The following CLNK variants were observed in gnomAD, a reference collection of about 807,000 sequenced individuals.
The protein encoded by CLNK is cytokine dependent hematopoietic cell linker.
CLNK carries 74 observed loss-of-function variants against 68.6 expected under a neutral mutation model. The observed-to-expected ratio is 1.08, with a 90% CI of 0.89 to 1.31. CLNK has a LOEUF of 1.31. Among genes scored for constraint, CLNK ranks in the 50% most tolerant of loss-of-function variants. The pLI is 0.00. For missense variants in CLNK, 553 were observed against 515.3 expected (o/e 1.07, Z -0.71); for synonymous variants, 198 against 172.2 (o/e 1.15, Z -1.17).
At chr4:10,553,472 T>C (rs1320465660) in intron 8 of CLNK, among the ~76,000 whole-genome samples, 1 of 151,776 alleles carries the variant, frequency 6.6e-6, no homozygotes, top group Non-Finnish European at 1.5e-5. Context: ...TTTTTTCTGA[T>C]ACAGAGTCTT....
chr4:10,727,204 C>T, the CLNK span, among the ~76,000 whole-genome samples: 1 of 152,224 alleles, frequency 6.6e-6, no homozygotes, highest in African/African-American at 2.4e-5. Context: ...GAGCCATTCT[C>T]TTTTCACTTG....
chr4:10,614,654 G>A (rs778814895), intron 2 of CLNK, among the ~76,000 whole-genome samples: 7 of 152,192 alleles, frequency 4.6e-5, no homozygotes, highest in Non-Finnish European at 1.0e-4. Flanking sequence ...TGTAATAAGA[G>A]GCCACGGAAT....
At chr4:10,624,770 C>A (rs1722602377) in intron 2 of CLNK, among the ~76,000 whole-genome samples, 2 of 151,972 alleles carry the variant, frequency 1.3e-5, no homozygotes, top group African/African-American at 4.8e-5. Context: ...TCATTTTATT[C>A]TTTTGCAGAA....
intron 3 of CLNK, among the ~76,000 whole-genome samples, chr4:10,594,297 T>G (rs1435458448): frequency 1.3e-5 from 2 of 152,160 alleles, no homozygotes; most frequent in African/African-American, 2.4e-5. Flanking sequence ...CTGCCTTCCA[T>G]CTTCCTCCCT....
intron 14 of CLNK, 61 bp downstream of exon 14, chr4:10,525,780 G>C: frequency 2.1e-6 from 2 of 958,046 alleles, no homozygotes; most frequent in Non-Finnish European, 3.2e-6. Flanking sequence ...TCATTTATCT[G>C]AGACAGCACA....
chr4:10,583,450 A>C (rs1290875133), intron 4 of CLNK, among the ~76,000 whole-genome samples: 2 of 151,776 alleles, frequency 1.3e-5, no homozygotes, highest in Non-Finnish European at 2.9e-5. Context: ...TCATGCCCAG[A>C]TAATTTTAGT....
At chr4:10,664,501 T>C (rs1724317673) in intron 2 of CLNK, among the ~76,000 whole-genome samples, 1 of 152,222 alleles carries the variant, frequency 6.6e-6, no homozygotes, top group Admixed American at 6.5e-5. Flanking sequence ...TGGCTCCTTC[T>C]CTGAGTCATG....
At chr4:10,566,207 A>G (rs1720107279) in intron 5 of CLNK, 57 bp from the exon 6 acceptor site, 2 of 1,577,330 alleles carry the variant, frequency 1.3e-6, no homozygotes, top group African/African-American at 2.7e-5. Context: ...TGACAAAGAC[A>G]GGCTACAGTG....
chr4:10,588,878 C>T (rs772476938), intron 3 of CLNK, among the ~76,000 whole-genome samples: 2 of 151,574 alleles, frequency 1.3e-5, no homozygotes, highest in African/African-American at 2.4e-5. Context: ...ATGTATTATA[C>T]GTCTAAAATA....
intron 8 of CLNK, among the ~76,000 whole-genome samples, chr4:10,551,852 T>A (rs1027834475): frequency 1.3e-5 from 2 of 151,332 alleles, no homozygotes; most frequent in East Asian, 1.9e-4. Flanking sequence ...ATTGTAATTT[T>A]TTTTTTTTTT....
the CLNK span, among the ~76,000 whole-genome samples, chr4:10,699,512 A>ATATATATATATATTTTT: frequency 3.1e-5 from 1 of 32,766 alleles, no homozygotes; most frequent in African/African-American, 1.2e-4. Flanking sequence ...ATATATATAT[A>ATATATATATATATTTTT]TTTTTTTTTT....
chr4:10,721,489 A>T, the CLNK span, among the ~76,000 whole-genome samples: 3 of 152,222 alleles, frequency 2.0e-5, no homozygotes, highest in African/African-American at 7.2e-5. Flanking sequence ...GTCATGTTGT[A>T]GTGGAAAGAA....
intron 7 of CLNK, among the ~76,000 whole-genome samples, chr4:10,559,607 G>A (rs1719810962): frequency 6.6e-6 from 1 of 152,062 alleles, no homozygotes; most frequent in Non-Finnish European, 1.5e-5. Flanking sequence ...GGCAGGAGAG[G>A]TTCCCATTGT....
chr4:10,687,243 C>A (rs902529392), upstream of CLNK, among the ~76,000 whole-genome samples: 2 of 149,844 alleles, frequency 1.3e-5, no homozygotes, highest in African/African-American at 4.9e-5. Flanking sequence ...CATGGAGTTT[C>A]GAATCTAATA....
chr4:10,531,784 T>C (rs1469301910), intron 12 of CLNK: 1 of 456,942 alleles, frequency 2.2e-6, no homozygotes, highest in Non-Finnish European at 4.4e-6. Flanking sequence ...CTGGGATGAG[T>C]AAGAGCATTT....
chr4:10,659,385 A>G (rs542043310), intron 2 of CLNK, among the ~76,000 whole-genome samples: 1 of 152,314 alleles, frequency 6.6e-6, no homozygotes, highest in Non-Finnish European at 1.5e-5. Context: ...GATAGTTACT[A>G]TAACGATTTC....
At chr4:10,667,277 A>C (rs2108892886) in intron 2 of CLNK, among the ~76,000 whole-genome samples, 1 of 152,292 alleles carries the variant, frequency 6.6e-6, no homozygotes, top group South Asian at 2.1e-4. Context: ...ATAAATAGAT[A>C]AGGAGATTAA....
At chr4:10,588,765 T>C (rs1028289914) in intron 3 of CLNK, among the ~76,000 whole-genome samples, 2 of 152,122 alleles carry the variant, frequency 1.3e-5, no homozygotes, top group Non-Finnish European at 2.9e-5. Flanking sequence ...TTATGATACA[T>C]CTAAAATAGT....
At chr4:10,728,905 TTA>T in the CLNK span, among the ~76,000 whole-genome samples, 2 of 152,132 alleles carry the variant, frequency 1.3e-5, no homozygotes, top group Non-Finnish European at 2.9e-5. Context: ...GGCCCCTTTC[TTA>T]TATTTTTAGC....
Sources: gnomAD v4.1 joint callset for allele counts (sites outside exome capture counted in the v4.1 genomes callset) on GRCh38, gnomAD v4.1.1 for gene constraint, MANE v1.5 for transcripts, NCBI Gene and HGNC (gene_info 2026-07-23, HGNC 2026-07-21) for gene names.